The following SORCS2 variants were observed in gnomAD, a reference collection of about 807,000 sequenced individuals.
SORCS2 encodes VPS10 domain-containing receptor SorCS2.
SORCS2 carries 100 observed loss-of-function variants against 141.6 expected under a neutral mutation model. The ratio of observed to expected loss-of-function variants is 0.71; its 90% CI spans 0.60 to 0.83. SORCS2 has a LOEUF of 0.83. Ranked by LOEUF, SORCS2 falls within the 40% of genes least tolerant of loss-of-function variation. The probability of loss-of-function intolerance (pLI) is 0.00; values close to 1 mark genes in which losing one functional copy is unlikely to be tolerated. For missense variants in SORCS2, 1,646 were observed against 1,560.2 expected, an observed-to-expected ratio of 1.05 and a Z score of -0.93; for synonymous variants, 789 against 676.9, an observed-to-expected ratio of 1.17 and a Z score of -2.57.
chr4:7,312,165 G>A (rs1010581375), intron 1 of SORCS2, among the ~76,000 whole-genome samples: 5 of 152,148 alleles, frequency 3.3e-5, no homozygotes, highest in African/African-American at 1.2e-4. Context: ...ATGAGCCACC[G>A]CACCCAGCCG....
intron 18 of SORCS2, among the ~76,000 whole-genome samples, chr4:7,720,062 GAC>G (rs767906874): frequency 4.1e-4 from 62 of 152,050 alleles, no homozygotes; most frequent in Non-Finnish European, 7.4e-4. Flanking sequence ...CAAACACACA[GAC>G]ACACACATGC....
At chr4:7,248,817 C>T (rs913019991) in intron 1 of SORCS2, among the ~76,000 whole-genome samples, 1 of 152,148 alleles carries the variant, frequency 6.6e-6, no homozygotes, top group Admixed American at 6.5e-5. Flanking sequence ...CCATTCGTGG[C>T]CTGAGAAAGG....
At chr4:7,724,468 A>ATGGTGGTGGTGG (rs1726916573) in intron 19 of SORCS2, among the ~76,000 whole-genome samples, 4 of 31,190 alleles carry the variant, frequency 1.3e-4, no homozygotes, top group African/African-American at 5.6e-4. Context: ...GGTGGTGGTG[A>ATGGTGGTGGTGG]TGGTGATGGT....
chr4:7,495,540 C>T, intron 2 of SORCS2, among the ~76,000 whole-genome samples: 1 of 152,198 alleles, frequency 6.6e-6, no homozygotes, highest in East Asian at 1.9e-4. Flanking sequence ...TGGCGATTTT[C>T]TCCTTGGCAC....
chr4:7,282,615 G>T (rs534084415), intron 1 of SORCS2, among the ~76,000 whole-genome samples: 2 of 152,170 alleles, frequency 1.3e-5, no homozygotes, highest in South Asian at 4.2e-4. Context: ...GGTGGGAGCC[G>T]GTGGGAAAGG....
chr4:7,722,220 C>T (rs905423636), intron 18 of SORCS2, among the ~76,000 whole-genome samples: 2 of 152,274 alleles, frequency 1.3e-5, no homozygotes, highest in Admixed American at 6.5e-5. Context: ...TTCTCCTTCC[C>T]AGGATTAGCA....
At chr4:7,403,997 A>ATATATATATATATATATGTT (rs1265288820) in intron 2 of SORCS2, among the ~76,000 whole-genome samples, 1 of 19,004 alleles carries the variant, frequency 5.3e-5, no homozygotes, top group Non-Finnish European at 1.2e-4. Flanking sequence ...ATATATATAT[A>ATATATATATATATATATGTT]TTTTTTTTTT....
At chr4:7,540,887 C>T (rs1712593835) in intron 3 of SORCS2, among the ~76,000 whole-genome samples, 1 of 152,244 alleles carries the variant, frequency 6.6e-6, no homozygotes, top group Non-Finnish European at 1.5e-5. Context: ...AGGCCTGGCC[C>T]TGGCAATCAG....
At chr4:7,722,254 A>C (rs1726642046) in intron 18 of SORCS2, among the ~76,000 whole-genome samples, 1 of 152,152 alleles carries the variant, frequency 6.6e-6, no homozygotes, top group South Asian at 2.1e-4. Flanking sequence ...CCTCCGTGGA[A>C]GCAGCTCAGA....
At chr4:7,364,562 T>A (rs1305703487) in intron 1 of SORCS2, among the ~76,000 whole-genome samples, 1 of 152,142 alleles carries the variant, frequency 6.6e-6, no homozygotes, top group Non-Finnish European at 1.5e-5. Flanking sequence ...CTTGGGGCAA[T>A]GCTCATGGGT....
chr4:7,352,998 T>C (rs78601275), intron 1 of SORCS2, among the ~76,000 whole-genome samples: 4,363 of 152,046 alleles, frequency 0.029, 64 homozygotes, highest in Middle Eastern at 0.051. Flanking sequence ...GAGATGAGGG[T>C]TCTTGTTCAA....
intron 1 of SORCS2, among the ~76,000 whole-genome samples, chr4:7,340,125 T>G (rs952283156): frequency 6.6e-6 from 1 of 152,226 alleles, no homozygotes; most frequent in Non-Finnish European, 1.5e-5. Context: ...ATGAGTGTCC[T>G]TACCTTCATT....
At chr4:7,299,792 A>C (rs1054837226) in intron 1 of SORCS2, among the ~76,000 whole-genome samples, 1 of 152,098 alleles carries the variant, frequency 6.6e-6, no homozygotes, top group Non-Finnish European at 1.5e-5. Context: ...TGGGACTTCA[A>C]GCTCTGCAAC....
intron 1 of SORCS2, among the ~76,000 whole-genome samples, chr4:7,202,689 T>C (rs1271050633): frequency 6.6e-6 from 1 of 152,144 alleles, no homozygotes; most frequent in African/African-American, 2.4e-5. Context: ...GCCGCTTCCA[T>C]TCAGATCAAT....
chr4:7,387,535 GCACACACATGCA>G (rs1560241129), intron 1 of SORCS2, among the ~76,000 whole-genome samples: 4 of 45,276 alleles, frequency 8.8e-5, no homozygotes, highest in Non-Finnish European at 1.1e-4. Context: ...ATGCACACAT[GCACACACATGCA>G]CATACACATA....
intron 2 of SORCS2, among the ~76,000 whole-genome samples, chr4:7,524,342 A>G (rs1324501428): frequency 6.6e-6 from 1 of 152,088 alleles, no homozygotes; most frequent in Non-Finnish European, 1.5e-5. Flanking sequence ...GAGCCTCCAG[A>G]GGGAGCTCAG....
rs140687086 is a variant in SORCS2 at position 7,714,231 on chromosome 4, C to T, written c.1990-9C>T. The T allele has an allele frequency of 1.3e-3, 2,060 of 1,608,990 alleles. 29 individuals are homozygous for T. In the African/African-American group the frequency reaches 0.024, roughly 19 times the overall value. On this transcript the variant is annotated splice_polypyrimidine_tract_variant and intron_variant, in intron 15 of 26. Transcript: ENST00000507866. Reference sequence around the variant, plus strand: ...CAGGCAGCTCCTTACCCTGATGTTCCTGCTGCAGGGCGACCGCTGTATCAT... The same window carrying T: ...CAGGCAGCTCCTTACCCTGATGTTCTTGCTGCAGGGCGACCGCTGTATCAT...
chr4:7,462,932 C>T (rs550192907), intron 2 of SORCS2, among the ~76,000 whole-genome samples: 47 of 151,706 alleles, frequency 3.1e-4, no homozygotes, highest in African/African-American at 1.0e-3. Context: ...TTCCCCATCC[C>T]GTGTGCCAGG....
intron 2 of SORCS2, among the ~76,000 whole-genome samples, chr4:7,422,618 T>C (rs1036198193): frequency 1.3e-5 from 2 of 152,082 alleles, no homozygotes; most frequent in African/African-American, 4.8e-5. Flanking sequence ...TAGGTTGCCA[T>C]CCAGGCCATC....
Sources: allele counts gnomAD v4.1 joint callset (sites outside exome capture counted in the v4.1 genomes callset), GRCh38; gene constraint gnomAD v4.1.1; transcripts MANE v1.5; gene names NCBI Gene and HGNC (gene_info 2026-07-23, HGNC 2026-07-21).